Variants in NEBL observed in about 807,000 individuals in gnomAD.
NEBL encodes LIM and SH3 protein 2.
Under a neutral mutation model 140.2 loss-of-function variants are expected in NEBL, and 122 were observed. The ratio of observed to expected loss-of-function variants is 0.87; its 90% confidence interval spans 0.75 to 1.01. NEBL has a LOEUF of 1.01. Among genes scored for constraint, NEBL ranks in the 50% least tolerant of loss-of-function variants. The pLI, the probability that NEBL is intolerant of heterozygous loss-of-function variation, is 0.00. For synonymous variants in NEBL, 436 were observed against 398.9 expected (o/e 1.09, Z -1.11); for missense variants, 1,365 against 1,231.3 (o/e 1.11, Z -1.62).
intron 2 of NEBL, among the ~76,000 whole-genome samples, chr10:21,051,617 A>G (rs1004740704): frequency 1.3e-5 from 2 of 152,222 alleles, no homozygotes; most frequent in African/African-American, 4.8e-5. Flanking sequence ...TCTATGACAC[A>G]TGGAAAACAA....
intron 2 of NEBL, among the ~76,000 whole-genome samples, chr10:21,051,433 T>G (rs1834775600): frequency 6.6e-6 from 1 of 152,184 alleles, no homozygotes; most frequent in African/African-American, 2.4e-5. Flanking sequence ...TTGATATGAA[T>G]TCACAACAGA....
At chr10:21,140,842 G>T (rs998743885) in intron 2 of NEBL, among the ~76,000 whole-genome samples, 1 of 152,042 alleles carries the variant, frequency 6.6e-6, no homozygotes, top group Admixed American at 6.6e-5. Flanking sequence ...TCTAACGCAT[G>T]CATGGCTTAA....
intron 3 of NEBL, among the ~76,000 whole-genome samples, chr10:20,963,148 T>C (rs1358831410): frequency 6.6e-6 from 1 of 152,108 alleles, no homozygotes; most frequent in Non-Finnish European, 1.5e-5. Context: ...TTTATTCCCA[T>C]AAGTAAAAGG....
chr10:20,904,826 C>T (rs1460002533), intron 4 of NEBL, among the ~76,000 whole-genome samples: 2 of 152,222 alleles, frequency 1.3e-5, no homozygotes, highest in Non-Finnish European at 2.9e-5. Context: ...AAGCTCTTTG[C>T]TTGGCTGTCA....
At chr10:20,976,816 G>T (rs543382301) in intron 3 of NEBL, among the ~76,000 whole-genome samples, 17 of 151,620 alleles carry the variant, frequency 1.1e-4, no homozygotes, top group African/African-American at 3.9e-4. Context: ...CTACCTGTGA[G>T]ATGCTATGCT....
At chr10:21,113,885 A>C (rs1387144311) in intron 2 of NEBL, among the ~76,000 whole-genome samples, 2 of 151,928 alleles carry the variant, frequency 1.3e-5, no homozygotes, top group Non-Finnish European at 2.9e-5. Flanking sequence ...GATTTTCTCT[A>C]TTATTTTTGT....
intron 3 of NEBL, among the ~76,000 whole-genome samples, chr10:21,189,029 T>C (rs1279891798): frequency 6.6e-6 from 1 of 152,202 alleles, no homozygotes; most frequent in Non-Finnish European, 1.5e-5. Flanking sequence ...GAAATATACA[T>C]ACTGTAAAAT....
intron 7 of NEBL, among the ~76,000 whole-genome samples, chr10:20,860,245 T>C (rs138556214): frequency 2.6e-4 from 39 of 152,194 alleles, no homozygotes; most frequent in Non-Finnish European, 4.9e-4. Flanking sequence ...ATAAAGAGCA[T>C]GACGTGTACC....
In NEBL at chr10:20,784,603, C is replaced by T. The variant is rs1274430722; in HGVS notation, c.*1144G>A. 1 of 152,174 alleles carries T rather than the reference C, an allele frequency of 6.6e-6. No individual in the cohort carries two copies. The highest frequency in any genetic ancestry group is 2.4e-5 in the African/African-American group (1 of 41,432). 9.4% of individuals were successfully genotyped at this position (152,174 alleles called of 1,614,324 possible). A position where few individuals can be genotyped will look rare whatever the true frequency, so the allele number is the denominator to read the frequency against. The stretch of plus-strand genomic sequence containing the variant: ...TTTCCAAAAGAAGATACCAGATCAT[C>T]TCTGTATGGAATTGGTAACTTTGTT... On this transcript the variant is annotated 3_prime_UTR_variant, in exon 28 of 28. Transcript: ENST00000377122.
chr10:21,209,379 T>G (rs1234157701), intron 3 of NEBL, among the ~76,000 whole-genome samples: 1 of 152,234 alleles, frequency 6.6e-6, no homozygotes, highest in Non-Finnish European at 1.5e-5. Context: ...TGTCCCATGC[T>G]GGGTATCCTG....
intron 3 of NEBL, among the ~76,000 whole-genome samples, chr10:21,200,747 C>A (rs1223666512): frequency 6.6e-6 from 1 of 152,126 alleles, no homozygotes; most frequent in Non-Finnish European, 1.5e-5. Flanking sequence ...CATACCTGGA[C>A]CAATGTAGGC....
chr10:21,215,890 TAA>T (rs1429917184), intron 3 of NEBL, among the ~76,000 whole-genome samples: 1 of 152,124 alleles, frequency 6.6e-6, no homozygotes, highest in Non-Finnish European at 1.5e-5. Flanking sequence ...AGGCTGGTCT[TAA>T]ACTCCTGGGC....
chr10:20,801,555 A>G (rs952344520), intron 26 of NEBL, among the ~76,000 whole-genome samples: 4 of 152,080 alleles, frequency 2.6e-5, no homozygotes, highest in South Asian at 2.1e-4. Flanking sequence ...CCTGAGCACA[A>G]TGGTTTTATG....
intron 3 of NEBL, among the ~76,000 whole-genome samples, chr10:21,205,573 T>A (rs1044144567): frequency 5.9e-5 from 9 of 152,124 alleles, no homozygotes; most frequent in African/African-American, 2.2e-4. Context: ...CCCATTTTTG[T>A]AAGAAGAAAA....
chr10:21,004,555 C>A (rs1245580468), intron 3 of NEBL, among the ~76,000 whole-genome samples: 1 of 152,078 alleles, frequency 6.6e-6, no homozygotes, highest in African/African-American at 2.4e-5. Context: ...CCCATCTCTA[C>A]TAAAAATACA....
intron 2 of NEBL, among the ~76,000 whole-genome samples, chr10:21,062,197 T>C (rs1835334964): frequency 6.6e-6 from 1 of 152,128 alleles, no homozygotes; most frequent in African/African-American, 2.4e-5. Flanking sequence ...GACAAATCAA[T>C]ACAGCTAAAT....
intron 3 of NEBL, among the ~76,000 whole-genome samples, chr10:21,019,652 T>C (rs994472907): frequency 6.6e-6 from 1 of 152,214 alleles, no homozygotes; most frequent in Non-Finnish European, 1.5e-5. Context: ...ATGCTGTCAA[T>C]GTGACATATG....
chr10:21,270,369 T>A (rs1842847241), intron 1 of NEBL, among the ~76,000 whole-genome samples: 1 of 45,652 alleles, frequency 2.2e-5, no homozygotes, highest in African/African-American at 1.7e-4. Context: ...ATTTTCCATA[T>A]TTTTTTTTTT....
intron 2 of NEBL, among the ~76,000 whole-genome samples, chr10:21,159,502 AT>A (rs1456887649): frequency 6.6e-6 from 1 of 152,196 alleles, no homozygotes; most frequent in Non-Finnish European, 1.5e-5. Context: ...CCATCGACCA[AT>A]TCTTTTCCAA....
Sources: allele counts gnomAD v4.1 joint callset (sites outside exome capture counted in the v4.1 genomes callset), GRCh38; gene constraint gnomAD v4.1.1; transcripts MANE v1.5; gene names NCBI Gene and HGNC (gene_info 2026-07-23, HGNC 2026-07-21).